RABGEF1: variants seen among roughly 807,000 people sequenced by gnomAD.
The protein encoded by RABGEF1 is rab5 GDP/GTP exchange factor.
Under a neutral mutation model 57.3 loss-of-function variants are expected in RABGEF1, and 26 were observed. That is an observed-to-expected ratio of 0.45 (90% CI 0.33 to 0.63). The LOEUF is 0.63. Among genes scored for constraint, RABGEF1 ranks in the 20% least tolerant of loss-of-function variants. The pLI, the probability that RABGEF1 is intolerant of heterozygous loss-of-function variation, is 0.02. For synonymous variants in RABGEF1, 185 were observed against 210.7 expected (o/e 0.88, Z 1.06); for missense variants, 464 against 607.6 (o/e 0.76, Z 2.48).
intron 2 of RABGEF1, among the ~76,000 whole-genome samples, chr7:66,720,789 A>G (rs1371141713): frequency 6.6e-6 from 1 of 152,230 alleles, no homozygotes; most frequent in Non-Finnish European, 1.5e-5. Context: ...GATCATCTGT[A>G]TAGAAAGTCC....
chr7:66,683,502 A>G (rs547505425), intron 1 of RABGEF1, among the ~76,000 whole-genome samples: 5 of 152,292 alleles, frequency 3.3e-5, no homozygotes, highest in East Asian at 1.9e-4. Context: ...AGGAGAAGGG[A>G]CAGTCAAGAT....
At chr7:66,665,511 C>T in the RABGEF1 span, among the ~76,000 whole-genome samples, 2 of 152,066 alleles carry the variant, frequency 1.3e-5, no homozygotes, top group Non-Finnish European at 2.9e-5. Context: ...ACTGTGGTCC[C>T]ATGGGGTCAG....
intron 7 of RABGEF1, among the ~76,000 whole-genome samples, chr7:66,803,150 C>T (rs1217058558): frequency 6.6e-6 from 1 of 152,094 alleles, no homozygotes; most frequent in Non-Finnish European, 1.5e-5. Context: ...AATAAAACAG[C>T]AAAAATTATG....
At chr7:66,755,297 A>AAAAAAC (rs1802441681) in intron 1 of RABGEF1, among the ~76,000 whole-genome samples, 4 of 151,930 alleles carry the variant, frequency 2.6e-5, no homozygotes, top group East Asian at 1.9e-4. Flanking sequence ...CTGTCTCAAA[A>AAAAAAC]AAAAAACAAA....
chr7:66,677,761 CAAAA>C (rs35401177), upstream of RABGEF1, among the ~76,000 whole-genome samples: 4 of 67,482 alleles, frequency 5.9e-5, no homozygotes, highest in Non-Finnish European at 8.9e-5. Context: ...GACTCCGTCT[CAAAA>C]AAAAAAAAAA....
At chr7:66,790,462 G>C (rs1304861449) in intron 4 of RABGEF1, among the ~76,000 whole-genome samples, 1 of 152,204 alleles carries the variant, frequency 6.6e-6, no homozygotes, top group Non-Finnish European at 1.5e-5. Flanking sequence ...ACTACAGGAA[G>C]ATCTAGCATG....
chr7:66,693,511 C>A (rs139068375), intron 1 of RABGEF1, among the ~76,000 whole-genome samples: 2,853 of 152,206 alleles, frequency 0.019, 47 homozygotes, highest in Non-Finnish European at 0.027. Context: ...GTGTCTGGTC[C>A]CCTGACTACT....
the RABGEF1 span, among the ~76,000 whole-genome samples, chr7:66,673,693 G>A: frequency 3.3e-5 from 5 of 151,296 alleles, no homozygotes; most frequent in African/African-American, 4.9e-5. Flanking sequence ...TCTTCCGCAC[G>A]TACGGGTGAT....
intron 4 of RABGEF1, among the ~76,000 whole-genome samples, chr7:66,792,586 T>C (rs1812980745): frequency 6.6e-6 from 1 of 152,182 alleles, no homozygotes; most frequent in African/African-American, 2.4e-5. Flanking sequence ...CAGTCTACCC[T>C]TTTCTCTTGA....
At chr7:66,801,117 G>A (rs1035001543) in intron 7 of RABGEF1, among the ~76,000 whole-genome samples, 2 of 152,350 alleles carry the variant, frequency 1.3e-5, no homozygotes, top group African/African-American at 4.8e-5. Context: ...GAAAGGAAGA[G>A]TGTGCCACCC....
chr7:66,743,128 T>C (rs906320055), intron 1 of RABGEF1, among the ~76,000 whole-genome samples: 1 of 151,836 alleles, frequency 6.6e-6, no homozygotes, highest in Non-Finnish European at 1.5e-5. Flanking sequence ...AGCAACATGG[T>C]GAAACCCCAT....
At chr7:66,698,817 G>C (rs1792755558) in intron 1 of RABGEF1, among the ~76,000 whole-genome samples, 1 of 152,178 alleles carries the variant, frequency 6.6e-6, no homozygotes, top group Non-Finnish European at 1.5e-5. Context: ...TTTCACTCCT[G>C]ACTCCACCCT....
At chr7:66,714,043 A>G (rs781514342) in intron 2 of RABGEF1, among the ~76,000 whole-genome samples, 4 of 152,190 alleles carry the variant, frequency 2.6e-5, no homozygotes, top group Non-Finnish European at 5.9e-5. Flanking sequence ...TTGTACTACC[A>G]TAGTCTAGTT....
chr7:66,728,951 C>CTT lies in RABGEF1; in HGVS notation c.-814-11029_-814-11028dup, dbSNP rs1208215962. 1.5e-3 allele frequency among the ~76,000 whole-genome samples: 199 copies of CTT among 136,282 alleles called. 1 individual carries two copies. Among genetic ancestry groups the CTT allele is most frequent in the Non-Finnish European group, 1.8e-3 (111 of 62,848 alleles). The allele number at this position is 136,282 out of a possible 152,430, so 89.4% of individuals were successfully genotyped here. A position where few individuals can be genotyped will look rare whatever the true frequency, so the allele number is the denominator to read the frequency against. On this transcript the variant is annotated intron_variant and NMD_transcript_variant, in intron 2 of 9. Coordinates refer to the RABGEF1 transcript ENST00000607882. ...ATCCAAATCTCCATCTTCACCTCCA[C>CTT]TTTTTTTTTTTTTTTTTGAGGCAGA...
At chr7:66,680,927 G>T (rs1384516322), upstream of RABGEF1, among the ~76,000 whole-genome samples, 1 of 151,932 alleles carries the variant, frequency 6.6e-6, no homozygotes, top group East Asian at 1.9e-4. Context: ...CTAAAAATAC[G>T]AAAAAATTAG....
intron 1 of RABGEF1, chr7:66,748,969 C>T (rs1437172287): frequency 5.0e-6 from 1 of 199,744 alleles, no homozygotes; most frequent in East Asian, 1.3e-4. Context: ...TGCTGCTTTG[C>T]TGGCTGGGTT....
At chr7:66,732,282 C>A (rs569183654) in intron 2 of RABGEF1, among the ~76,000 whole-genome samples, 1 of 152,170 alleles carries the variant, frequency 6.6e-6, no homozygotes, top group African/African-American at 2.4e-5. Flanking sequence ...GGACACGGAG[C>A]CTCATTGAGC....
At chr7:66,759,973 T>C (rs1803845787) in intron 1 of RABGEF1, among the ~76,000 whole-genome samples, 1 of 152,182 alleles carries the variant, frequency 6.6e-6, no homozygotes, top group Non-Finnish European at 1.5e-5. Flanking sequence ...ACAAAATATC[T>C]AGACAAGCTG....
intron 2 of RABGEF1, among the ~76,000 whole-genome samples, chr7:66,714,110 A>T (rs1220465918): frequency 6.6e-6 from 1 of 152,068 alleles, no homozygotes; most frequent in African/African-American, 2.4e-5. Flanking sequence ...TCATTTCCCT[A>T]TTTTCTGGAA....
Sources: gnomAD v4.1 joint callset for allele counts (sites outside exome capture counted in the v4.1 genomes callset) on GRCh38, gnomAD v4.1.1 for gene constraint, MANE v1.5 for transcripts, NCBI Gene and HGNC (gene_info 2026-07-23, HGNC 2026-07-21) for gene names.